The following NIPAL4 variants were observed in gnomAD, a reference collection of about 807,000 sequenced individuals.
NIPAL4 encodes the protein NIPA like domain containing 4, also known as magnesium transporter NIPA4.
A neutral mutation model predicts 31.6 loss-of-function variants in NIPAL4; 21 were observed. The ratio of observed to expected loss-of-function variants is 0.67; its 90% CI spans 0.47 to 0.96. The LOEUF is 0.96. NIPAL4 is among the 40% of genes least tolerant of loss of function. NIPAL4 has a pLI of 0.00. For missense variants in NIPAL4, 438 were observed against 508.0 expected (o/e 0.86, Z 1.32); for synonymous variants, 175 against 211.1 (o/e 0.83, Z 1.48).
In NIPAL4 at chr5:157,471,719, T is replaced by A. The variant is rs1295111912; in HGVS notation, c.488T>A (p.Val163Glu). The A allele has an allele frequency of 6.2e-7, 1 of 1,608,394 alleles. No homozygotes were observed. Among genetic ancestry groups the A allele is most frequent in the African/African-American group, 1.3e-5 (1 of 75,012 alleles). The change falls in exon 5 of 6, where the codon GTG becomes GAG. Residue 163 changes from valine (V) to glutamate (E), a missense_variant. Coordinates refer to ENST00000311946, the MANE Select transcript of NIPAL4 (RefSeq NM_001099287.2). ...AACCTGCTGGGGAAGCTGGGCTGTG[T>A]GATCTGTGTGGCCGGAAGCACAGTG... is the stretch of plus-strand genomic sequence containing the variant. ...SLNLLGKLGC[V>E]ICVAGSTVMV...
At chr5:157,468,622 G>T in intron 3 of NIPAL4, 100 bp from the exon 4 acceptor site, 1 of 767,474 alleles carries the variant, frequency 1.3e-6, no homozygotes. Context: ...AAGGAATGCT[G>T]GTCTGGGATT....
intron 5 of NIPAL4, among the ~76,000 whole-genome samples, 194 bp from the exon 6 acceptor site, chr5:157,472,137 TG>T (rs1205511221): frequency 6.6e-6 from 1 of 152,122 alleles, no homozygotes; most frequent in African/African-American, 2.4e-5. Flanking sequence ...CTTTTACAAA[TG>T]GGGAAACTGA....
intron 3 of NIPAL4, chr5:157,467,410 AC>A (rs1309736114): frequency 3.2e-5 from 11 of 343,524 alleles, no homozygotes; most frequent in Non-Finnish European, 3.4e-5. Flanking sequence ...TGGACTCTTG[AC>A]TTCTACATGG....
intron 1 of NIPAL4, among the ~76,000 whole-genome samples, chr5:157,461,358 C>T (rs915026007): frequency 1.3e-5 from 2 of 152,222 alleles, no homozygotes; most frequent in Non-Finnish European, 1.5e-5. Flanking sequence ...AGTGGGAGAA[C>T]TTGACTCAAT....
intron 2 of NIPAL4, among the ~76,000 whole-genome samples, chr5:157,465,651 C>T (rs1255059075): frequency 6.6e-6 from 1 of 152,052 alleles, no homozygotes; most frequent in African/African-American, 2.4e-5. Context: ...AGAAGATCAA[C>T]TAAAATTAAG....
chr5:157,472,269 TG>T (rs1271360680), intron 5 of NIPAL4, 62 bp from the exon 6 acceptor site: 3 of 1,491,292 alleles, frequency 2.0e-6, no homozygotes, highest in Non-Finnish European at 2.7e-6. Context: ...GCCATGAGTC[TG>T]GGCCCTAGAC....
At chr5:157,462,824 C>CTTA in intron 1 of NIPAL4, among the ~76,000 whole-genome samples, 1 of 152,328 alleles carries the variant, frequency 6.6e-6, no homozygotes, top group South Asian at 2.1e-4. Flanking sequence ...TTTCATTGAA[C>CTTA]TTATGTACTT....
chr5:157,460,248 G>A lies in NIPAL4; in HGVS notation c.-73G>A. The A allele has an allele frequency of 6.5e-7, 1 of 1,531,436 alleles. No individual in the cohort carries two copies. The highest frequency in any genetic ancestry group is 8.8e-7 in the Non-Finnish European group (1 of 1,139,556). 94.9% of individuals were successfully genotyped at this position (1,531,436 alleles called of 1,614,324 possible). A position where few individuals can be genotyped will look rare whatever the true frequency, so the allele number is the denominator to read the frequency against. On this transcript the variant is annotated 5_prime_UTR_variant, in exon 1 of 6. Transcript: ENST00000311946. ...GCGCGAGCCACGCGGGGGACAAGTCGCGGCCACCTGCTCCGGAGCTGGGGA... is the reference window on the plus strand; with the variant it reads ...GCGCGAGCCACGCGGGGGACAAGTCACGGCCACCTGCTCCGGAGCTGGGGA...
In NIPAL4 at chr5:157,474,147, C is replaced by CTGA. The variant is rs1754518663; in HGVS notation, c.*1187_*1188insTGA. ...ATTCTAGCTGTTGACCAGATTGCTA[C>CTGA]CGAGTCCCCTCCTCCACTGATGAGC... On this transcript the variant is annotated 3_prime_UTR_variant, in exon 6 of 6. Transcript: ENST00000311946. 1.3e-5 allele frequency: 2 copies of CTGA among 152,318 alleles called. No individual in the cohort carries two copies. Among genetic ancestry groups the CTGA allele is most frequent in the African/African-American group, 4.8e-5 (2 of 41,434 alleles). 9.4% of individuals were successfully genotyped at this position (152,318 alleles called of 1,614,324 possible).
chr5:157,465,786 G>A (rs1398898407), intron 2 of NIPAL4, among the ~76,000 whole-genome samples: 1 of 152,192 alleles, frequency 6.6e-6, no homozygotes, highest in Non-Finnish European at 1.5e-5. Context: ...GAGTCCGGGA[G>A]TTTGAGACCA....
At chr5:157,472,293 C>T in intron 5 of NIPAL4, 39 bp from the exon 6 acceptor site, 1 of 1,565,992 alleles carries the variant, frequency 6.4e-7, no homozygotes, top group Non-Finnish European at 8.6e-7. Flanking sequence ...TGCCTGCACC[C>T]TCCACAGCCA....
chr5:157,472,326 C>G lies in NIPAL4; in HGVS notation c.587-6C>G. On this transcript the variant is annotated splice_polypyrimidine_tract_variant and splice_region_variant and intron_variant, in intron 5 of 5. Transcript: ENST00000311946. ...CCAAGTGATCCTTCTCTCTCTCCTC[C>G]CAAAGGGTTCATCGTGTTTGCTGTG... The G allele has an allele frequency of 6.3e-7, 1 of 1,594,682 alleles. No individual in the cohort carries two copies. Among genetic ancestry groups the G allele is most frequent in the Non-Finnish European group, 8.5e-7 (1 of 1,172,758 alleles).
At chr5:157,460,611 T>C (rs1206350823) in intron 1 of NIPAL4, 2 of 417,758 alleles carry the variant, frequency 4.8e-6, no homozygotes, top group Admixed American at 2.6e-5. Flanking sequence ...GGGGGGTTAG[T>C]GGGGGGCAGG....
At chr5:157,462,990 T>C (rs1368191121) in intron 1 of NIPAL4, 104 bp from the exon 2 acceptor site, 4 of 1,451,882 alleles carry the variant, frequency 2.8e-6, no homozygotes, top group Non-Finnish European at 3.8e-6. Flanking sequence ...GGTATAGCCC[T>C]GCAGTAGCGG....
In NIPAL4 at chr5:157,460,250, G is replaced by A. The variant is rs759546301; in HGVS notation, c.-71G>A. 1.7e-4 allele frequency: 259 copies of A among 1,532,948 alleles called. 2 individuals are homozygous for A. In the East Asian group the frequency reaches 6.5e-3, roughly 38 times the overall value. The allele number at this position is 1,532,948 out of a possible 1,614,324, so 95.0% of individuals were successfully genotyped here. A position where few individuals can be genotyped will look rare whatever the true frequency, so the allele number is the denominator to read the frequency against. On this transcript the variant is annotated 5_prime_UTR_variant, in exon 1 of 6. Transcript: ENST00000311946. ...GCGAGCCACGCGGGGGACAAGTCGC[G>A]GCCACCTGCTCCGGAGCTGGGGAGC...
chr5:157,460,602 G>A (rs1322476418), intron 1 of NIPAL4: 1 of 683,694 alleles, frequency 1.5e-6, no homozygotes, highest in Non-Finnish European at 2.7e-6. Flanking sequence ...GGTTGAGATG[G>A]GGGGTTAGTG....
At position 157,471,647 on chromosome 5, in the gene NIPAL4, C is replaced by A; in HGVS notation, c.426-10C>A. The A allele has an allele frequency of 6.3e-7, 1 of 1,596,308 alleles. No homozygotes were observed. Among genetic ancestry groups the A allele is most frequent in the South Asian group, 1.1e-5 (1 of 88,754 alleles). On this transcript the variant is annotated splice_polypyrimidine_tract_variant and intron_variant, in intron 4 of 5. Coordinates refer to ENST00000311946, the MANE Select transcript of NIPAL4 (RefSeq NM_001099287.2). Reference sequence around the variant, plus strand: ...CTGCTCTAATCCCCTTCTCCCATTTCCACGTGCAGTGCCATCCTCTCCTCA... The same window carrying A: ...CTGCTCTAATCCCCTTCTCCCATTTACACGTGCAGTGCCATCCTCTCCTCA...
intron 2 of NIPAL4, among the ~76,000 whole-genome samples, chr5:157,465,785 AG>A (rs2113662398): frequency 6.6e-6 from 1 of 152,270 alleles, no homozygotes; most frequent in Admixed American, 6.5e-5. Flanking sequence ...TGAGTCCGGG[AG>A]TTTGAGACCA....
rs958203462 is a variant in NIPAL4 at position 157,472,795 on chromosome 5, C to G, written c.1050C>G (p.Ile350Met). ...TGCATGCTTTCAAAGACCTGGACAT[C>G]AGCTGCGCCAGCTTGCCCCACATGC... The part of the protein sequence containing the change: ...FMLHAFKDLD[I>M]SCASLPHMHK... Residue 350 changes from isoleucine (I) to methionine (M), a missense_variant, in exon 6 of 6, where the codon ATC becomes ATG. Coordinates refer to ENST00000311946, the MANE Select transcript of NIPAL4 (RefSeq NM_001099287.2). 1.3e-5 allele frequency: 21 copies of G among 1,606,956 alleles called. No homozygotes were observed. Among genetic ancestry groups the G allele is most frequent in the Non-Finnish European group, 1.7e-5 (20 of 1,173,984 alleles).
Sources: gnomAD v4.1 joint callset for allele counts (sites outside exome capture counted in the v4.1 genomes callset) on GRCh38, gnomAD v4.1.1 for gene constraint, MANE v1.5 for transcripts, NCBI Gene and HGNC (gene_info 2026-07-23, HGNC 2026-07-21) for gene names.